Variants in SLC18A2 observed in about 807,000 individuals in gnomAD.
SLC18A2 encodes synaptic vesicular amine transporter.
In SLC18A2, 33 loss-of-function variants were observed where a neutral mutation model predicts 59.2. The ratio of observed to expected loss-of-function variants is 0.56; its 90% CI spans 0.42 to 0.75. The LOEUF (loss-of-function observed/expected upper bound fraction) is 0.75, where lower values mean the gene tolerates loss of function less well. Ranked by LOEUF, SLC18A2 falls within the 30% of genes least tolerant of loss-of-function variation. The pLI is 0.00. For synonymous variants in SLC18A2, 228 were observed against 253.5 expected, an observed-to-expected ratio of 0.90 and a Z score of 0.95; for missense variants, 569 against 668.6, an observed-to-expected ratio of 0.85 and a Z score of 1.64.
At chr10:117,261,225 A>AAAACAAGACAAAAC (rs71301596) in intron 10 of SLC18A2, among the ~76,000 whole-genome samples, 1 of 150,796 alleles carries the variant, frequency 6.6e-6, no homozygotes. Context: ...CAAAACAAAA[A>AAAACAAGACAAAAC]ACCCAAAAAC....
chr10:117,247,492 G>T (rs536976314), intron 3 of SLC18A2, among the ~76,000 whole-genome samples: 4 of 152,140 alleles, frequency 2.6e-5, no homozygotes, highest in African/African-American at 9.7e-5. Context: ...CTTCCCACCT[G>T]CTTACAATTA....
At chr10:117,270,267 T>G in intron 14 of SLC18A2, 63 bp from the exon 15 acceptor site, 1 of 1,613,002 alleles carries the variant, frequency 6.2e-7, no homozygotes. Context: ...TGTTTAAATC[T>G]TTGCATCTTT....
intron 3 of SLC18A2, among the ~76,000 whole-genome samples, chr10:117,248,377 A>G (rs1308160908): frequency 6.6e-6 from 1 of 152,106 alleles, no homozygotes; most frequent in Non-Finnish European, 1.5e-5. Flanking sequence ...TTCCTGTTTC[A>G]TTTGTTATTC....
intron 3 of SLC18A2, among the ~76,000 whole-genome samples, chr10:117,252,425 A>G (rs998511088): frequency 3.3e-5 from 5 of 152,016 alleles, no homozygotes; most frequent in Admixed American, 6.5e-5. Flanking sequence ...GAGACAGAAG[A>G]GACTTAGAGA....
intron 6 of SLC18A2, 79 bp from the exon 7 acceptor site, chr10:117,255,198 C>A: frequency 7.5e-7 from 1 of 1,324,642 alleles, no homozygotes; most frequent in Non-Finnish European, 1.1e-6. Context: ...GAGAGAAACA[C>A]AAGAGTCAAA....
chr10:117,267,948 T>C (rs1258820978), intron 13 of SLC18A2: 1 of 451,732 alleles, frequency 2.2e-6, no homozygotes, highest in African/African-American at 1.9e-5. Flanking sequence ...AACCAGTATT[T>C]TTTAAAAGCT....
intron 7 of SLC18A2, 33 bp downstream of exon 7, chr10:117,255,399 C>A (rs1283405658): frequency 1.2e-6 from 2 of 1,612,534 alleles, no homozygotes; most frequent in South Asian, 2.2e-5. Flanking sequence ...CATGCCATGA[C>A]CTTGGCATCG....
rs2133751557 is a variant in SLC18A2, at chr10:117,278,247, G to A, written c.*981G>A. 6.6e-6 allele frequency: 1 copy of A among 152,232 alleles called. No homozygotes were observed. Among genetic ancestry groups the A allele is most frequent in the South Asian group, 2.1e-4 (1 of 4,830 alleles). 9.4% of individuals were successfully genotyped at this position (152,232 alleles called of 1,614,324 possible). ...TTTTCTAGGAATATATTTATTTTAG[G>A]TTGTCTGAAACTACTATTTTTTAGA... On this transcript the variant is annotated 3_prime_UTR_variant, in exon 16 of 16. Transcript: ENST00000644641.
intron 7 of SLC18A2, 42 bp downstream of exon 7, chr10:117,255,408 C>G: frequency 1.2e-6 from 2 of 1,612,976 alleles, no homozygotes; most frequent in Non-Finnish European, 1.7e-6. Flanking sequence ...ACCTTGGCAT[C>G]GTGCTGGCAC....
At chr10:117,277,099 G>A in intron 15 of SLC18A2, 63 bp from the exon 16 acceptor site, 2 of 965,440 alleles carry the variant, frequency 2.1e-6, no homozygotes, top group Non-Finnish European at 1.6e-6. Flanking sequence ...AAAACAGTAG[G>A]TTAAAACCAT....
chr10:117,276,181 G>C lies in SLC18A2; in HGVS notation c.1441-981G>C, dbSNP rs186902377. Among the ~76,000 whole-genome samples the C allele has an allele frequency of 3.9e-5, 6 of 152,154 alleles. No homozygotes were observed. The East Asian group carries it at 1.2e-3, about 29-fold the overall frequency. Reference sequence around the variant, plus strand: ...TTGATGGCATATGCATGTAGTCACAGCTACTCGGGAGTCTGAGGTGGGAAG... The same window carrying C: ...TTGATGGCATATGCATGTAGTCACACCTACTCGGGAGTCTGAGGTGGGAAG... On this transcript the variant is annotated intron_variant, in intron 15 of 15. Coordinates refer to ENST00000644641, the MANE Select transcript of SLC18A2 (RefSeq NM_003054.6).
At chr10:117,254,552 A>C in intron 6 of SLC18A2, 55 bp downstream of exon 6, 1 of 1,332,352 alleles carries the variant, frequency 7.5e-7, no homozygotes, top group Non-Finnish European at 1.0e-6. Flanking sequence ...CTGGTGCTGG[A>C]CAGCGGCAGT....
At chr10:117,266,692 G>GAT in intron 10 of SLC18A2, 41 bp from the exon 11 acceptor site, 1 of 1,412,788 alleles carries the variant, frequency 7.1e-7, no homozygotes, top group Non-Finnish European at 1.0e-6. Flanking sequence ...ACATATGACT[G>GAT]ATATCAGCAC....
intron 2 of SLC18A2, 98 bp from the exon 3 acceptor site, chr10:117,243,873 A>C (rs1228213108): frequency 2.1e-6 from 2 of 956,588 alleles, no homozygotes; most frequent in African/African-American, 3.3e-5. Context: ...GGTGTGAGCC[A>C]CTGCTCCCTG....
rs771358156 is a variant in SLC18A2, at chr10:117,243,961, T to G, written c.122-10T>G. The G allele has an allele frequency of 1.2e-6, 2 of 1,606,574 alleles. No homozygotes were observed. The highest frequency in any genetic ancestry group is 2.2e-5 in the South Asian group (2 of 90,216). The stretch of plus-strand genomic sequence containing the variant: ...TGATCACCACCTTGCCATTCTGCTC[T>G]TATCCCCAGTCCCCATCATCCCAAG... On this transcript the variant is annotated splice_polypyrimidine_tract_variant and intron_variant, in intron 2 of 15. Transcript: ENST00000644641.
intron 9 of SLC18A2, among the ~76,000 whole-genome samples, chr10:117,256,159 C>T (rs939053503): frequency 1.3e-5 from 2 of 152,162 alleles, no homozygotes; most frequent in Non-Finnish European, 2.9e-5. Flanking sequence ...GCAGGGAGGC[C>T]GTTCAAACAC....
In SLC18A2 at chr10:117,269,048, A is replaced by AC. The variant is rs146198632; in HGVS notation, c.1187-1017dup. Among the ~76,000 whole-genome samples, 21,918 of 151,804 alleles carry AC rather than the reference A, an allele frequency of 0.14. 1,863 individuals carry two copies. The highest frequency in any genetic ancestry group is 0.35 in the East Asian group (1,782 of 5,128). ...CATACACACACACATACACACATAC[A>AC]CCCCCCACATAAACACATACACATA... On this transcript the variant is annotated intron_variant, in intron 13 of 15. Transcript: ENST00000644641. This position sits in a 1 kb window ranked among gnomAD's most constrained non-coding sequence, Gnocchi z 5.1.
rs1844057938 is a variant in SLC18A2, at chr10:117,241,779, C to CGCT, written c.94_96dup (p.Leu32dup). On this transcript the variant is annotated inframe_insertion, in exon 2 of 16. Transcript: ENST00000644641. ...CTCATCCTGTTCATCGTGTTCCTGG[C>CGCT]GCTGCTGCTGGACAACATGCTGCTC... The CGCT allele has an allele frequency of 6.2e-7, 1 of 1,610,918 alleles. No homozygotes were observed. The highest frequency in any genetic ancestry group is 8.5e-7 in the Non-Finnish European group (1 of 1,179,072).
chr10:117,277,263 C>T lies in SLC18A2; in HGVS notation c.1542C>T (p.Asp514=), dbSNP rs751780065. The T allele has an allele frequency of 6.4e-7, 1 of 1,567,788 alleles. No individual in the cohort carries two copies. The highest frequency in any genetic ancestry group is 2.2e-5 in the East Asian group (1 of 44,542). Residue 514 remains aspartate (D), a synonymous_variant, in exon 16 of 16, where the codon GAC becomes GAT. Transcript: ENST00000644641. The part of the protein sequence containing the change: ...PIGEDEESES[D] ...GTGAAGATGAAGAATCTGAAAGTGA[C>T]TGAGATGAGATCCTCAAAAATCATC...
Sources: gnomAD v4.1 joint callset for allele counts (sites outside exome capture counted in the v4.1 genomes callset) on GRCh38, gnomAD v4.1.1 for gene constraint, Gnocchi (gnomAD v3.1) non-coding constraint, MANE v1.5 for transcripts, NCBI Gene and HGNC (gene_info 2026-07-23, HGNC 2026-07-21) for gene names.